TSNAX: variants seen among roughly 807,000 people sequenced by gnomAD.
TSNAX encodes the protein translin-associated protein X.
TSNAX carries 12 observed loss-of-function variants against 33.0 expected under a neutral mutation model. That is an observed-to-expected ratio of 0.36 (90% CI 0.23 to 0.59). TSNAX has a LOEUF of 0.59. TSNAX is among the 20% of genes least tolerant of loss of function. The pLI, the probability that TSNAX is intolerant of heterozygous loss-of-function variation, is 0.74. For missense variants in TSNAX, 267 were observed against 341.3 expected (o/e 0.78, Z 1.72); for synonymous variants, 110 against 117.2 (o/e 0.94, Z 0.40).
At chr1:231,546,801 G>A (rs1426540710) in intron 4 of TSNAX, among the ~76,000 whole-genome samples, 1 of 152,178 alleles carries the variant, frequency 6.6e-6, no homozygotes, top group Non-Finnish European at 1.5e-5. Flanking sequence ...GCTCTCTGGG[G>A]CTCTGCTGTT....
At chr1:231,533,625 A>G (rs1159254456) in intron 2 of TSNAX, among the ~76,000 whole-genome samples, 1 of 152,222 alleles carries the variant, frequency 6.6e-6, no homozygotes, top group Non-Finnish European at 1.5e-5. Flanking sequence ...GGTAATCTCA[A>G]ATTTATTTAA....
chr1:231,557,411 C>T (rs115478512), intron 4 of TSNAX, among the ~76,000 whole-genome samples: 4,438 of 152,080 alleles, frequency 0.029, 267 homozygotes, highest in African/African-American at 0.1. Flanking sequence ...GAGATGAAGA[C>T]GGAAAGAATG....
chr1:231,530,997 A>T (rs1221069100), intron 2 of TSNAX, among the ~76,000 whole-genome samples: 1 of 150,042 alleles, frequency 6.7e-6, no homozygotes, highest in Non-Finnish European at 1.5e-5. Flanking sequence ...TCTGTCACAC[A>T]GGCTGAGATA....
At position 231,546,213 on chromosome 1, in the gene TSNAX, C is replaced by G. The variant is rs149196040; in HGVS notation, c.367+3602C>G. ...TATATATCCCAGACACCTAATAAGT[C>G]TCCCGAAATACAAATGTTGAAAAGA... On this transcript the variant is annotated intron_variant, in intron 4 of 5. Coordinates refer to ENST00000366639, the MANE Select transcript of TSNAX (RefSeq NM_005999.3). Among the ~76,000 whole-genome samples the G allele has an allele frequency of 6.1e-3, 927 of 152,292 alleles. 9 individuals carry two copies. Among genetic ancestry groups the G allele is most frequent in the African/African-American group, 0.021 (881 of 41,556 alleles).
intron 4 of TSNAX, among the ~76,000 whole-genome samples, chr1:231,546,220 A>G (rs199810956): frequency 1.3e-5 from 2 of 152,228 alleles, no homozygotes; most frequent in Non-Finnish European, 2.9e-5. Flanking sequence ...AGTCTCCCGA[A>G]ATACAAATGT....
intron 2 of TSNAX, among the ~76,000 whole-genome samples, chr1:231,532,131 A>AACACACACAC (rs745744924): frequency 0.039 from 3,288 of 84,922 alleles, 165 homozygotes; most frequent in East Asian, 0.064. Flanking sequence ...TAGTGGTAAT[A>AACACACACAC]ACACACACAC....
chr1:231,564,303 A>G (rs1447134435), intron 5 of TSNAX, among the ~76,000 whole-genome samples: 1 of 152,242 alleles, frequency 6.6e-6, no homozygotes. Flanking sequence ...TCTTGAAGTC[A>G]TCTGGTTCAT....
chr1:231,529,860 C>T (rs2124867937), intron 2 of TSNAX, among the ~76,000 whole-genome samples: 1 of 152,258 alleles, frequency 6.6e-6, no homozygotes, highest in East Asian at 1.9e-4. Flanking sequence ...TTCCTCAATT[C>T]AAAACAAACA....
At chr1:231,539,669 A>G (rs899062096) in intron 3 of TSNAX, among the ~76,000 whole-genome samples, 1 of 152,232 alleles carries the variant, frequency 6.6e-6, no homozygotes, top group African/African-American at 2.4e-5. Context: ...GCAGAAAGGT[A>G]AAGCTACTTA....
At chr1:231,550,923 A>G (rs1660256869) in intron 4 of TSNAX, among the ~76,000 whole-genome samples, 1 of 152,236 alleles carries the variant, frequency 6.6e-6, no homozygotes, top group African/African-American at 2.4e-5. Context: ...AGGGAAGTCA[A>G]AAGCCCTTTC....
At chr1:231,543,673 G>A (rs1659721366) in intron 4 of TSNAX, among the ~76,000 whole-genome samples, 1 of 152,132 alleles carries the variant, frequency 6.6e-6, no homozygotes, top group Non-Finnish European at 1.5e-5. Context: ...TTTCAGAAAT[G>A]TTGATATGTC....
At chr1:231,558,223 G>A (rs1294452505) in intron 4 of TSNAX, among the ~76,000 whole-genome samples, 1 of 152,100 alleles carries the variant, frequency 6.6e-6, no homozygotes, top group East Asian at 1.9e-4. Flanking sequence ...GTGGCTTACT[G>A]GGAAGCCATT....
At chr1:231,529,650 C>T (rs1179983608) in intron 2 of TSNAX, among the ~76,000 whole-genome samples, 1 of 152,192 alleles carries the variant, frequency 6.6e-6, no homozygotes, top group Non-Finnish European at 1.5e-5. Context: ...AATATTTACT[C>T]ATCTGTTATA....
chr1:231,561,333 T>A (rs1234305085), intron 5 of TSNAX, 78 bp downstream of exon 5: 6 of 1,151,446 alleles, frequency 5.2e-6, no homozygotes, highest in African/African-American at 3.2e-5. Flanking sequence ...TTTACTGGCT[T>A]ATGCTAAGAT....
chr1:231,564,501 T>TG, intron 5 of TSNAX, 27 bp from the exon 6 acceptor site: 3 of 1,403,068 alleles, frequency 2.1e-6, no homozygotes, highest in Non-Finnish European at 1.9e-6. Context: ...GTGTGTGTGT[T>TG]TTTGTTTTGT....
intron 1 of TSNAX, 59 bp downstream of exon 1, chr1:231,528,885 T>C (rs377490579): frequency 1.9e-6 from 3 of 1,608,516 alleles, no homozygotes; most frequent in African/African-American, 2.7e-5. Context: ...CTCCAGTCTT[T>C]CTATGCAGTT....
At position 231,537,294 on chromosome 1, in the gene TSNAX, AAAGGAC is replaced by A; in HGVS notation, c.206_211del (p.Arg69_Thr70del). ...AGTCGGGATATAACTGTTGAAAGTAAAAGGACAATTTTTCTCCTCCATAGGATTACA... is the reference window on the plus strand; with the variant it reads ...AGTCGGGATATAACTGTTGAAAGTAAAATTTTTCTCCTCCATAGGATTACA... On this transcript the variant is annotated inframe_deletion, in exon 3 of 6. Coordinates refer to ENST00000366639, the MANE Select transcript of TSNAX (RefSeq NM_005999.3). 1 of 1,613,482 alleles carries A rather than the reference AAAGGAC, an allele frequency of 6.2e-7. No homozygotes were observed. The highest frequency in any genetic ancestry group is 8.5e-7 in the Non-Finnish European group (1 of 1,179,744).
intron 4 of TSNAX, among the ~76,000 whole-genome samples, chr1:231,547,844 T>TC (rs1482001085): frequency 3.3e-4 from 49 of 147,706 alleles, no homozygotes; most frequent in South Asian, 1.5e-3. Flanking sequence ...TTGCTTTCTT[T>TC]TTTTTTTTTT....
chr1:231,546,842 G>A (rs1328046636), intron 4 of TSNAX, among the ~76,000 whole-genome samples: 2 of 152,148 alleles, frequency 1.3e-5, no homozygotes, highest in Non-Finnish European at 2.9e-5. Context: ...ATGAGCCAGG[G>A]CATCAACATA....
Sources: allele counts gnomAD v4.1 joint callset (sites outside exome capture counted in the v4.1 genomes callset), GRCh38; gene constraint gnomAD v4.1.1; transcripts MANE v1.5; gene names NCBI Gene and HGNC (gene_info 2026-07-23, HGNC 2026-07-21).